STARD3: variants seen among roughly 807,000 people sequenced by gnomAD.
The protein encoded by STARD3 is stAR-related lipid transfer protein 3.
STARD3 carries 39 observed loss-of-function variants against 62.0 expected under a neutral mutation model. The ratio of observed to expected loss-of-function variants is 0.63; its 90% confidence interval spans 0.49 to 0.82. The LOEUF (loss-of-function observed/expected upper bound fraction) is 0.82. Ranked by LOEUF, STARD3 falls within the 40% of genes least tolerant of loss-of-function variation. STARD3 has a pLI of 0.00. For synonymous variants in STARD3, 229 were observed against 242.4 expected, an observed-to-expected ratio of 0.94 and a Z score of 0.51; for missense variants, 543 against 584.5, an observed-to-expected ratio of 0.93 and a Z score of 0.73.
chr17:39,650,241 C>T (rs1056961626), intron 1 of STARD3, among the ~76,000 whole-genome samples: 4 of 152,094 alleles, frequency 2.6e-5, no homozygotes, highest in African/African-American at 9.7e-5. Context: ...CAGGAGATGG[C>T]AGTGTGAAGA....
intron 1 of STARD3, among the ~76,000 whole-genome samples, chr17:39,639,474 A>G (rs1017898661): frequency 6.6e-6 from 1 of 152,242 alleles, no homozygotes; most frequent in African/African-American, 2.4e-5. Flanking sequence ...TGGGGCCTAT[A>G]AAGCGATGGG....
intron 2 of STARD3, among the ~76,000 whole-genome samples, chr17:39,655,268 C>T (rs1425284047): frequency 2.6e-5 from 4 of 152,196 alleles, no homozygotes; most frequent in Non-Finnish European, 5.9e-5. Context: ...TCACTGTAGC[C>T]TCCAACTCCT....
intron 2 of STARD3, chr17:39,656,776 C>T (rs1567859155): frequency 3.7e-6 from 2 of 534,998 alleles, no homozygotes. Flanking sequence ...TGGAAGCTAG[C>T]CCTGCCCATC....
chr17:39,649,524 C>T (rs1233443311), intron 1 of STARD3, among the ~76,000 whole-genome samples: 1 of 152,182 alleles, frequency 6.6e-6, no homozygotes, highest in Admixed American at 6.5e-5. Flanking sequence ...AAATAACAAG[C>T]AAGAGCCCAT....
chr17:39,645,911 A>G (rs373247945), intron 1 of STARD3, among the ~76,000 whole-genome samples: 2 of 46,090 alleles, frequency 4.3e-5, no homozygotes, highest in Non-Finnish European at 7.5e-5. Flanking sequence ...TTTTTTTTTG[A>G]GATGGAGTCT....
chr17:39,660,752 C>T lies in STARD3; in HGVS notation c.955-58C>T, dbSNP rs1244541981. On this transcript the variant is annotated intron_variant, in intron 11 of 14. Transcript: ENST00000336308. This position sits in a 1 kb window ranked among gnomAD's most constrained non-coding sequence, Gnocchi z 4.8. The stretch of plus-strand genomic sequence containing the variant: ...TTAGTAAAGGGGCCTGGGGTGTTCC[C>T]ATCCCTGGGGTTTTCCTGGGGCGAC... 1.3e-6 allele frequency: 2 copies of T among 1,534,860 alleles called. No homozygotes were observed. The highest frequency in any genetic ancestry group is 2.3e-5 in the East Asian group (1 of 44,296).
rs544453062 is a variant in STARD3 at position 39,663,195 on chromosome 17, G to T, written c.*287G>T. 3 of 431,808 alleles carry T rather than the reference G, an allele frequency of 6.9e-6. No homozygotes were observed. The East Asian group carries it at 1.1e-4, about 15-fold the overall frequency. The allele number at this position is 431,808 out of a possible 1,614,324, so 26.7% of individuals were successfully genotyped here. On this transcript the variant is annotated 3_prime_UTR_variant, in exon 15 of 15. Transcript: ENST00000336308. ...CTCTGCCCCACCTTGCCAGGGCAGG[G>T]TCTGGGCTGGGCACCTGACTTGGCT...
At chr17:39,645,881 CTTTTTTTTTT>C (rs71147368) in intron 1 of STARD3, among the ~76,000 whole-genome samples, 5 of 55,664 alleles carry the variant, frequency 9.0e-5, no homozygotes, top group South Asian at 7.8e-4. Flanking sequence ...GGATTCTTGC[CTTTTTTTTTT>C]TTTTTTTTTT....
chr17:39,642,122 G>A (rs2056987489), intron 1 of STARD3, among the ~76,000 whole-genome samples: 1 of 152,246 alleles, frequency 6.6e-6, no homozygotes, highest in South Asian at 2.1e-4. Context: ...CCCAGGCGAT[G>A]GGCTGTGGTG....
intron 1 of STARD3, among the ~76,000 whole-genome samples, chr17:39,641,619 G>A (rs2056983857): frequency 6.6e-6 from 1 of 152,214 alleles, no homozygotes; most frequent in African/African-American, 2.4e-5. Flanking sequence ...AGTAGTAATA[G>A]CTGCTATTAA....
Position 39,663,993 on chromosome 17 carries a change from C to G in STARD3, c.*1085C>G, listed in dbSNP as rs2057231467. Among the ~76,000 whole-genome samples, 1 of 152,208 alleles carries G rather than the reference C, an allele frequency of 6.6e-6. No individual in the cohort carries two copies. Among genetic ancestry groups the G allele is most frequent in the African/African-American group, 2.4e-5 (1 of 41,456 alleles). On this transcript the variant is annotated 3_prime_UTR_variant, in exon 15 of 15. Coordinates refer to ENST00000336308, the MANE Select transcript of STARD3 (RefSeq NM_006804.4). ...GGCCAGGCCACTGCCTGCCTTCCTC[C>G]TCCCTCCCGGCTGGCCTGCCCCCTT...
At chr17:39,647,850 G>A (rs1173858561) in intron 1 of STARD3, among the ~76,000 whole-genome samples, 1 of 152,190 alleles carries the variant, frequency 6.6e-6, no homozygotes, top group Non-Finnish European at 1.5e-5. Context: ...GCTTTGCAAA[G>A]GAGGTGGTTT....
chr17:39,660,758 TG>T lies in STARD3; in HGVS notation c.955-48del. 1 of 1,536,768 alleles carries T rather than the reference TG, an allele frequency of 6.5e-7. No individual in the cohort carries two copies. Among genetic ancestry groups the T allele is most frequent in the Non-Finnish European group, 8.8e-7 (1 of 1,140,522 alleles). On this transcript the variant is annotated intron_variant, in intron 11 of 14. Coordinates refer to ENST00000336308, the MANE Select transcript of STARD3 (RefSeq NM_006804.4). The surrounding 1 kb of genome is among the most constrained non-coding windows in gnomAD (Gnocchi z 4.8). ...AAGGGGCCTGGGGTGTTCCCATCCC[TG>T]GGGTTTTCCTGGGGCGACCTGTTCC...
At chr17:39,645,525 A>G (rs967777273) in intron 1 of STARD3, among the ~76,000 whole-genome samples, 2 of 152,088 alleles carry the variant, frequency 1.3e-5, no homozygotes, top group Non-Finnish European at 2.9e-5. Flanking sequence ...GCGGGGGTGC[A>G]ATGGTGTGAT....
In STARD3 at chr17:39,660,888, A is replaced by G; in HGVS notation, c.1033A>G (p.Arg345Gly). 6.2e-7 allele frequency: 1 copy of G among 1,604,604 alleles called. No individual in the cohort carries two copies. The highest frequency in any genetic ancestry group is 8.5e-7 in the Non-Finnish European group (1 of 1,173,500). The stretch of plus-strand genomic sequence containing the variant: ...GGCTGCGGGCGGCGTGGTCTCCCCA[A>G]GGTGAGTCCATGCCGGGCCCCCTCC... ...AGAAGGVVSP[R>G]DFVNVRRIER... The change falls in exon 12 of 15, where the codon AGG becomes GGG. Residue 345 changes from arginine to glycine, a missense_variant and splice_region_variant. Physicochemically the swap from Arg to Gly is moderately radical, Grantham distance 125. Transcript: ENST00000336308. This position sits in a 1 kb window ranked among gnomAD's most constrained non-coding sequence, Gnocchi z 4.8.
chr17:39,649,151 A>G (rs2057053909), intron 1 of STARD3, among the ~76,000 whole-genome samples: 1 of 152,194 alleles, frequency 6.6e-6, no homozygotes, highest in South Asian at 2.1e-4. Flanking sequence ...AAAGACAGAC[A>G]TGGATGACGA....
Position 39,660,534 on chromosome 17 carries a change from C to G in STARD3, c.954+8C>G. The G allele has an allele frequency of 6.2e-7, 1 of 1,613,794 alleles. No homozygotes were observed. The highest frequency in any genetic ancestry group is 2.2e-5 in the East Asian group (1 of 44,884). ...ACAGTGACTGCCTGCCAGGTGAGCC[C>G]AGTCTGGCTGCCTCTTAAGGCACAG... On this transcript the variant is annotated splice_region_variant and intron_variant, in intron 11 of 14. Coordinates refer to ENST00000336308, the MANE Select transcript of STARD3 (RefSeq NM_006804.4). This position sits in a 1 kb window ranked among gnomAD's most constrained non-coding sequence, Gnocchi z 4.8.
intron 1 of STARD3, among the ~76,000 whole-genome samples, chr17:39,644,778 TGAGCCAGG>T (rs1464185199): frequency 6.6e-6 from 1 of 151,362 alleles, no homozygotes; most frequent in Non-Finnish European, 1.5e-5. Flanking sequence ...GAAGATCACT[TGAGCCAGG>T]GAATGTTTGA....
Position 39,662,352 on chromosome 17 carries a change from G to A in STARD3, c.1233+8G>A. The A allele has an allele frequency of 6.2e-7, 1 of 1,612,786 alleles. No homozygotes were observed. Among genetic ancestry groups the A allele is most frequent in the Non-Finnish European group, 8.5e-7 (1 of 1,179,380 alleles). ...CTTAATACAGATCTCAAGGTGGGGT[G>A]CTGGGGGGCTGCCAGGTGGGTTCTG... On this transcript the variant is annotated splice_region_variant and intron_variant, in intron 14 of 14. Transcript: ENST00000336308.
Sources: gnomAD v4.1 joint callset for allele counts (sites outside exome capture counted in the v4.1 genomes callset) on GRCh38, gnomAD v4.1.1 for gene constraint, Gnocchi (gnomAD v3.1) non-coding constraint, MANE v1.5 for transcripts, NCBI Gene and HGNC (gene_info 2026-07-23, HGNC 2026-07-21) for gene names.